Variants in TTC3 observed in about 807,000 individuals in gnomAD.
TTC3 encodes tetratricopeptide repeat domain 3.
A neutral mutation model predicts 249.6 loss-of-function variants in TTC3; 180 were observed. The observed-to-expected ratio is 0.72, with a 90% CI of 0.64 to 0.82. The LOEUF is 0.82. Ranked by LOEUF, TTC3 falls within the 40% of genes least tolerant of loss-of-function variation. The pLI is 0.00. For synonymous variants in TTC3, 717 were observed against 805.0 expected (o/e 0.89, Z 1.85); for missense variants, 2,061 against 2,398.4 (o/e 0.86, Z 2.94).
intron 31 of TTC3, among the ~76,000 whole-genome samples, chr21:37,163,743 G>A (rs1319835529): frequency 6.6e-6 from 1 of 152,172 alleles, no homozygotes; most frequent in Non-Finnish European, 1.5e-5. Context: ...TTGTCTTTCA[G>A]TCATTTAACA....
chr21:37,127,360 A>C (rs1173080665), intron 15 of TTC3, among the ~76,000 whole-genome samples: 2 of 152,184 alleles, frequency 1.3e-5, no homozygotes, highest in African/African-American at 4.8e-5. Flanking sequence ...TGCTCAGTGC[A>C]TGTATTTATT....
chr21:37,200,231 G>A lies in TTC3; in HGVS notation c.5851-1G>A, dbSNP rs1216288591. The A allele has an allele frequency of 6.2e-7, 1 of 1,614,008 alleles. No homozygotes were observed. The highest frequency in any genetic ancestry group is 8.5e-7 in the Non-Finnish European group (1 of 1,179,960). The stretch of plus-strand genomic sequence containing the variant: ...CTATTCAGGTGTGTTTGTTTCCACA[G>A]GCACTGGGTGCAAGTTCCTGTGAAA... On this transcript the variant is annotated splice_acceptor_variant, in intron 44 of 45. Coordinates refer to ENST00000355666, the Ensembl canonical transcript of TTC3. LOFTEE classifies it high-confidence loss of function.
chr21:37,149,852 A>G (rs1398585989), intron 23 of TTC3, among the ~76,000 whole-genome samples: 1 of 152,170 alleles, frequency 6.6e-6, no homozygotes, highest in Non-Finnish European at 1.5e-5. Flanking sequence ...GTCACTTTGC[A>G]TTGATGAAAA....
chr21:37,102,326 A>G (rs933157037), intron 10 of TTC3, among the ~76,000 whole-genome samples: 2 of 152,172 alleles, frequency 1.3e-5, no homozygotes, highest in African/African-American at 2.4e-5. Flanking sequence ...AATAATTATA[A>G]TTGAGGAAAA....
At chr21:37,127,358 G>C (rs150433796) in intron 15 of TTC3, among the ~76,000 whole-genome samples, 59 of 152,270 alleles carry the variant, frequency 3.9e-4, no homozygotes, top group African/African-American at 1.2e-3. Flanking sequence ...TGTGCTCAGT[G>C]CATGTATTTA....
exon 4 of TTC3, chr21:37,088,327 C>T (rs757796731): frequency 6.2e-7 from 1 of 1,612,646 alleles, no homozygotes; most frequent in Non-Finnish European, 8.5e-7. Context: ...ATCACGATTG[C>T]ATCCCTGTGT....
chr21:37,108,873 A>G (rs1490673273), intron 11 of TTC3, among the ~76,000 whole-genome samples: 1 of 152,200 alleles, frequency 6.6e-6, no homozygotes, highest in Non-Finnish European at 1.5e-5. Context: ...AAACTTGTGT[A>G]TGTCAAAAGG....
chr21:37,087,142 C>A, intron 1 of TTC3, 105 bp from the exon 2 acceptor site: 1 of 1,282,950 alleles, frequency 7.8e-7, no homozygotes, highest in Non-Finnish European at 1.1e-6. Flanking sequence ...TTTCCTTGGG[C>A]ATAGGTTCCA....
At chr21:37,096,159 A>T (rs1026637642) in intron 9 of TTC3, among the ~76,000 whole-genome samples, 1 of 152,382 alleles carries the variant, frequency 6.6e-6, no homozygotes, top group South Asian at 2.1e-4. Flanking sequence ...ACTAAAAAAC[A>T]AAAGTTCAAA....
chr21:37,077,588 T>C (rs993548321), intron 1 of TTC3, among the ~76,000 whole-genome samples: 2 of 152,232 alleles, frequency 1.3e-5, no homozygotes, highest in African/African-American at 2.4e-5. Context: ...ATCTACAACC[T>C]CTCCAACACT....
At chr21:37,198,057 T>C (rs929603250) in intron 44 of TTC3, 32 bp downstream of exon 44, 3 of 1,530,944 alleles carry the variant, frequency 2.0e-6, no homozygotes, top group East Asian at 4.6e-5. Context: ...TGTTTTTTAA[T>C]GAAAAACAAG....
At chr21:37,113,772 A>T (rs1307145042) in intron 11 of TTC3, among the ~76,000 whole-genome samples, 1 of 152,210 alleles carries the variant, frequency 6.6e-6, no homozygotes, top group Non-Finnish European at 1.5e-5. Context: ...CATCATGCTT[A>T]CCTGACTTCA....
In TTC3 at chr21:37,087,604, A is replaced by G. The variant is rs375728758; in HGVS notation, c.144+203A>G. On this transcript the variant is annotated intron_variant, in intron 2 of 45. Coordinates refer to ENST00000355666, the Ensembl canonical transcript of TTC3. ...AGTGCCAGAGAATGAGTGGTGGCAA[A>G]AGGTGGTTTTCTGACAGGGCATAAG... 2.9e-3 allele frequency among the ~76,000 whole-genome samples: 434 copies of G among 152,236 alleles called. 1 individual carries two copies. Among genetic ancestry groups the G allele is most frequent in the African/African-American group, 9.9e-3 (410 of 41,522 alleles).
chr21:37,108,539 A>T, intron 11 of TTC3, 93 bp downstream of exon 11: 2 of 1,229,230 alleles, frequency 1.6e-6, no homozygotes, highest in Non-Finnish European at 2.3e-6. Context: ...TAAAAATGCT[A>T]TATGAAATTA....
At chr21:37,111,253 G>C (rs2075632142) in intron 11 of TTC3, among the ~76,000 whole-genome samples, 1 of 152,170 alleles carries the variant, frequency 6.6e-6, no homozygotes, top group African/African-American at 2.4e-5. Context: ...AAAAGGCACA[G>C]ACTGGCATAT....
intron 18 of TTC3, among the ~76,000 whole-genome samples, chr21:37,138,033 A>T (rs1393184826): frequency 2.0e-5 from 3 of 152,216 alleles, no homozygotes; most frequent in Non-Finnish European, 4.4e-5. Flanking sequence ...CTTAAAGTAT[A>T]ATTTTAAAAA....
chr21:37,123,961 C>T (rs2076838111), intron 13 of TTC3, among the ~76,000 whole-genome samples: 1 of 151,650 alleles, frequency 6.6e-6, no homozygotes, highest in African/African-American at 2.4e-5. Flanking sequence ...TTTGGCCAGA[C>T]TGGTCTCAAA....
chr21:37,084,996 C>T (rs895828503), intron 1 of TTC3, among the ~76,000 whole-genome samples: 3 of 151,920 alleles, frequency 2.0e-5, no homozygotes, highest in African/African-American at 7.3e-5. Flanking sequence ...GTGTCTCAAA[C>T]AAACAAACAA....
chr21:37,104,583 C>T (rs547476507), intron 10 of TTC3, among the ~76,000 whole-genome samples: 4 of 98,246 alleles, frequency 4.1e-5, no homozygotes, highest in South Asian at 5.8e-4. Context: ...AGCAAAACTC[C>T]GTCTCAAAAA....
Sources: allele counts gnomAD v4.1 joint callset (sites outside exome capture counted in the v4.1 genomes callset), GRCh38; gene constraint gnomAD v4.1.1; transcripts MANE v1.5; gene names NCBI Gene and HGNC (gene_info 2026-07-23, HGNC 2026-07-21).